RPH3AL: variants seen among roughly 807,000 people sequenced by gnomAD.
RPH3AL encodes the protein rab effector Noc2.
A neutral mutation model predicts 43.1 loss-of-function variants in RPH3AL; 38 were observed. The observed-to-expected ratio is 0.88, with a 90% CI of 0.68 to 1.15. The LOEUF is 1.15. Ranked by LOEUF, RPH3AL falls within the 50% of genes most tolerant of loss-of-function variation. RPH3AL has a pLI of 0.00. For missense variants in RPH3AL, 462 were observed against 423.2 expected (o/e 1.09, Z -0.81); for synonymous variants, 189 against 176.3 (o/e 1.07, Z -0.57).
chr17:334,958 A>G (rs745601817), intron 1 of RPH3AL, among the ~76,000 whole-genome samples: 1 of 152,060 alleles, frequency 6.6e-6, no homozygotes, highest in Admixed American at 6.5e-5. Context: ...CCCACCTTAC[A>G]CCCTGGCATT....
intron 5 of RPH3AL, among the ~76,000 whole-genome samples, chr17:293,481 G>C (rs1311343722): frequency 6.6e-6 from 1 of 151,908 alleles, no homozygotes; most frequent in Non-Finnish European, 1.5e-5. Context: ...CCGGGGCTCC[G>C]GGGGTGGGGC....
At chr17:238,105 C>G (rs190070957) in intron 7 of RPH3AL, among the ~76,000 whole-genome samples, 1 of 151,268 alleles carries the variant, frequency 6.6e-6, no homozygotes, top group South Asian at 2.1e-4. Context: ...CCACTGTACT[C>G]CACTCCAGCC....
intron 6 of RPH3AL, among the ~76,000 whole-genome samples, chr17:258,276 G>C (rs2042111058): frequency 6.6e-6 from 1 of 152,182 alleles, no homozygotes. Flanking sequence ...CAAGCTCCTA[G>C]CACACGCCTC....
chr17:263,177 G>C (rs1426067487), intron 6 of RPH3AL, among the ~76,000 whole-genome samples: 2 of 152,200 alleles, frequency 1.3e-5, no homozygotes, highest in Non-Finnish European at 2.9e-5. Flanking sequence ...AGGTGGGCAT[G>C]GGGGAGGAAG....
At chr17:315,565 C>CACCTCCTTTGACCTGTAGTCTCTGTGCT (rs2043992944) in intron 5 of RPH3AL, among the ~76,000 whole-genome samples, 1 of 53,738 alleles carries the variant, frequency 1.9e-5, no homozygotes, top group Non-Finnish European at 4.2e-5. Flanking sequence ...GTCCCTGTGC[C>CACCTCCTTTGACCTGTAGTCTCTGTGCT]CCACCTCCAT....
intron 1 of RPH3AL, among the ~76,000 whole-genome samples, chr17:343,687 G>A (rs2045175482): frequency 6.6e-6 from 1 of 152,148 alleles, no homozygotes; most frequent in African/African-American, 2.4e-5. Flanking sequence ...GAGACATTTG[G>A]AAATATCTGG....
chr17:331,901 A>T, intron 2 of RPH3AL: 1 of 1,282,188 alleles, frequency 7.8e-7, no homozygotes, highest in Non-Finnish European at 1.0e-6. Context: ...AATTAAACTG[A>T]TGAGGGAACA....
intron 2 of RPH3AL, chr17:332,747 C>T (rs568376417): frequency 1.9e-4 from 55 of 294,542 alleles, no homozygotes; most frequent in African/African-American, 9.3e-4. Context: ...CGGCTGAGCT[C>T]GCTCCTTGCT....
intron 5 of RPH3AL, among the ~76,000 whole-genome samples, chr17:297,989 C>T (rs1027196162): frequency 5.9e-5 from 9 of 152,166 alleles, no homozygotes; most frequent in Non-Finnish European, 8.8e-5. Context: ...AGTCCTGTCC[C>T]CACCGGCCTT....
chr17:317,346 G>A (rs2044301163), intron 5 of RPH3AL, among the ~76,000 whole-genome samples: 2 of 147,184 alleles, frequency 1.4e-5, no homozygotes, highest in Non-Finnish European at 3.0e-5. Flanking sequence ...TTGACCTGAA[G>A]TCCCTGTGCC....
intron 1 of RPH3AL, among the ~76,000 whole-genome samples, chr17:350,102 T>G (rs1467051338): frequency 6.6e-6 from 1 of 152,198 alleles, no homozygotes; most frequent in Non-Finnish European, 1.5e-5. Context: ...TTGTTACATT[T>G]CCCTACACTC....
chr17:238,242 G>A (rs1483661366), intron 7 of RPH3AL, among the ~76,000 whole-genome samples: 1 of 151,304 alleles, frequency 6.6e-6, no homozygotes, highest in Admixed American at 6.6e-5. Context: ...AAAAGAGGGA[G>A]GGACAGAAAG....
rs529844738 is a variant in RPH3AL at position 325,566 on chromosome 17, T to A, written c.77+1901A>T. Reference sequence around the variant, plus strand: ...CATTGGCCCATCTTCTGGGTCCCAGTGTAGGCAGCACACTCTCAGCCCCTC... The same window carrying A: ...CATTGGCCCATCTTCTGGGTCCCAGAGTAGGCAGCACACTCTCAGCCCCTC... On this transcript the variant is annotated intron_variant, in intron 3 of 9. Transcript: ENST00000331302. Among the ~76,000 whole-genome samples the A allele has an allele frequency of 1.6e-4, 25 of 152,288 alleles. 2 individuals carry two copies. The South Asian group carries it at 4.8e-3, about 29-fold the overall frequency.
intron 5 of RPH3AL, among the ~76,000 whole-genome samples, chr17:301,805 G>C (rs141868060): frequency 6.6e-6 from 1 of 152,176 alleles, no homozygotes; most frequent in African/African-American, 2.4e-5. Flanking sequence ...GACCCGAGCC[G>C]TAGGAGTCAT....
intron 5 of RPH3AL, among the ~76,000 whole-genome samples, chr17:299,900 T>A (rs1024118195): frequency 6.6e-6 from 1 of 152,186 alleles, no homozygotes; most frequent in Non-Finnish European, 1.5e-5. Context: ...GGGGCAGGTG[T>A]CCCGGGGGAG....
intron 5 of RPH3AL, among the ~76,000 whole-genome samples, chr17:310,181 C>T (rs1377935084): frequency 6.6e-6 from 1 of 152,156 alleles, no homozygotes; most frequent in Non-Finnish European, 1.5e-5. Flanking sequence ...ACTCAGATCC[C>T]AAGCAATTAG....
chr17:315,390 A>T (rs1598094533), intron 5 of RPH3AL, among the ~76,000 whole-genome samples: 1 of 146,418 alleles, frequency 6.8e-6, no homozygotes. Flanking sequence ...CCCCACCTCC[A>T]TTGACCTGTA....
rs1407731249 is a variant in RPH3AL at position 344,069 on chromosome 17, ATCG to A, written c.-213+8640_-213+8642del. On this transcript the variant is annotated intron_variant, in intron 1 of 9. Transcript: ENST00000331302. Reference sequence around the variant, plus strand: ...CATCATCATCGTCACCACTGTCATCATCGTCATCACTATCACCATCATTGTCAC... The same window carrying A: ...CATCATCATCGTCACCACTGTCATCATCATCACTATCACCATCATTGTCAC... Among the ~76,000 whole-genome samples the A allele has an allele frequency of 5.5e-5, 5 of 90,460 alleles. 1 individual carries two copies. Among genetic ancestry groups the A allele is most frequent in the East Asian group, 4.2e-4 (1 of 2,408 alleles). 59.3% of individuals were successfully genotyped at this position (90,460 alleles called of 152,430 possible).
At chr17:297,952 T>A (rs2043223005) in intron 5 of RPH3AL, among the ~76,000 whole-genome samples, 1 of 152,020 alleles carries the variant, frequency 6.6e-6, no homozygotes, top group Non-Finnish European at 1.5e-5. Context: ...ACATGCAAAC[T>A]TCCCTCCCTG....
Sources: gnomAD v4.1 joint callset for allele counts (sites outside exome capture counted in the v4.1 genomes callset) on GRCh38, gnomAD v4.1.1 for gene constraint, MANE v1.5 for transcripts, NCBI Gene and HGNC (gene_info 2026-07-23, HGNC 2026-07-21) for gene names.